Variants in PRKD1 observed in about 807,000 individuals in gnomAD.
PRKD1 encodes the protein protein kinase D1.
In PRKD1, 63 loss-of-function variants were observed where a neutral mutation model predicts 95.9. The ratio of observed to expected loss-of-function variants is 0.66; its 90% confidence interval spans 0.54 to 0.81. The LOEUF is 0.81. Among genes scored for constraint, PRKD1 ranks in the 30% least tolerant of loss-of-function variants. The pLI, the probability that PRKD1 is intolerant of heterozygous loss-of-function variation, is 0.00. For synonymous variants in PRKD1, 425 were observed against 423.1 expected, an observed-to-expected ratio of 1.00 and a Z score of -0.05; for missense variants, 1,048 against 1,165.3, an observed-to-expected ratio of 0.90 and a Z score of 1.47.
rs72677448 is a variant in PRKD1, at chr14:29,694,196, A to T, written c.404-27988T>A. Among the ~76,000 whole-genome samples, 413 of 152,314 alleles carry T rather than the reference A, an allele frequency of 2.7e-3. 1 individual carries two copies. The highest frequency in any genetic ancestry group is 5.1e-3 in the Non-Finnish European group (350 of 68,022). On this transcript the variant is annotated intron_variant, in intron 2 of 17. Transcript: ENST00000331968. ...AAAAATATGGTGCCCAGAACTGAAAATAATACAGGTTCCAACTATGCAGAA... is the reference window on the plus strand; with the variant it reads ...AAAAATATGGTGCCCAGAACTGAAATTAATACAGGTTCCAACTATGCAGAA...
At chr14:29,590,642 A>T (rs1442392702) in intron 16 of PRKD1, among the ~76,000 whole-genome samples, 1 of 152,170 alleles carries the variant, frequency 6.6e-6, no homozygotes, top group Non-Finnish European at 1.5e-5. Context: ...TTAATCAGCA[A>T]TATGTGGAGT....
intron 4 of PRKD1, among the ~76,000 whole-genome samples, chr14:29,648,145 T>A (rs1881250729): frequency 6.6e-6 from 1 of 152,230 alleles, no homozygotes; most frequent in East Asian, 1.9e-4. Flanking sequence ...CATTCTTTTT[T>A]AACTTTTACT....
chr14:29,625,484 C>A (rs146173345), intron 12 of PRKD1, among the ~76,000 whole-genome samples: 39 of 152,242 alleles, frequency 2.6e-4, no homozygotes, highest in African/African-American at 9.4e-4. Flanking sequence ...ATTTGTCACC[C>A]TTGTCTCACC....
intron 1 of PRKD1, among the ~76,000 whole-genome samples, chr14:29,793,082 T>C (rs1440725957): frequency 2.0e-5 from 3 of 152,004 alleles, no homozygotes; most frequent in Non-Finnish European, 4.4e-5. Flanking sequence ...GCTGCCAAAA[T>C]TGGAGAAAGT....
At chr14:29,680,026 G>T (rs951592234) in intron 2 of PRKD1, among the ~76,000 whole-genome samples, 4 of 152,180 alleles carry the variant, frequency 2.6e-5, no homozygotes, top group Non-Finnish European at 5.9e-5. Context: ...CAACATCATT[G>T]CAAAGGAAGG....
chr14:29,666,285 A>G, intron 2 of PRKD1, 77 bp from the exon 3 acceptor site: 1 of 1,448,982 alleles, frequency 6.9e-7, no homozygotes, highest in Non-Finnish European at 9.4e-7. Flanking sequence ...AAGATAATAA[A>G]TATGCCAGTA....
At chr14:29,628,195 T>C (rs10131853) in intron 11 of PRKD1, among the ~76,000 whole-genome samples, 45 of 152,366 alleles carry the variant, frequency 3.0e-4, no homozygotes, top group African/African-American at 1.0e-3. Flanking sequence ...CATATTTGGC[T>C]GTTTACTTTA....
intron 1 of PRKD1, among the ~76,000 whole-genome samples, chr14:29,892,263 C>T (rs1893963533): frequency 6.6e-6 from 1 of 152,122 alleles, no homozygotes; most frequent in South Asian, 2.1e-4. Flanking sequence ...CCTTGCTTGA[C>T]AAGCATGCAG....
intron 1 of PRKD1, among the ~76,000 whole-genome samples, chr14:29,877,081 G>C: frequency 6.6e-6 from 1 of 152,170 alleles, no homozygotes; most frequent in East Asian, 1.9e-4. Context: ...GAGCCCAGGA[G>C]GCAGAGGTTG....
chr14:29,846,609 A>T (rs543972737), intron 1 of PRKD1, among the ~76,000 whole-genome samples: 1 of 152,324 alleles, frequency 6.6e-6, no homozygotes, highest in South Asian at 2.1e-4. Context: ...GTTTCACTGA[A>T]AATGAGATGG....
chr14:29,808,047 A>G (rs1890312497), intron 1 of PRKD1, among the ~76,000 whole-genome samples: 1 of 152,060 alleles, frequency 6.6e-6, no homozygotes, highest in Admixed American at 6.6e-5. Context: ...TAAGACAACA[A>G]TGATGTTTGC....
chr14:29,647,937 G>T (rs989890348), intron 4 of PRKD1, among the ~76,000 whole-genome samples: 1 of 152,196 alleles, frequency 6.6e-6, no homozygotes, highest in African/African-American at 2.4e-5. Context: ...CAGAACAAAA[G>T]CAGTTAATCA....
intron 1 of PRKD1, among the ~76,000 whole-genome samples, chr14:29,835,234 T>A (rs1457824110): frequency 6.6e-6 from 1 of 152,204 alleles, no homozygotes; most frequent in African/African-American, 2.4e-5. Context: ...TTCATTGATT[T>A]TGCTTACCAT....
At chr14:29,631,500 C>CT (rs370333345) in intron 9 of PRKD1, among the ~76,000 whole-genome samples, 9,405 of 140,118 alleles carry the variant, frequency 0.067, 665 homozygotes, top group South Asian at 0.18. Context: ...TTAAAATGGT[C>CT]TTTTTTTTTT....
intron 1 of PRKD1, among the ~76,000 whole-genome samples, chr14:29,879,182 T>C (rs773303667): frequency 6.6e-6 from 1 of 152,204 alleles, no homozygotes; most frequent in Non-Finnish European, 1.5e-5. Context: ...GCTCACTGAC[T>C]TCTGCCTCAT....
At chr14:29,587,082 A>C (rs1892961874) in intron 16 of PRKD1, among the ~76,000 whole-genome samples, 1 of 152,154 alleles carries the variant, frequency 6.6e-6, no homozygotes, top group Admixed American at 6.6e-5. Flanking sequence ...GCTGGGGGAG[A>C]CGTGATGATG....
chr14:29,634,388 C>A, intron 8 of PRKD1, 30 bp downstream of exon 8: 1 of 1,613,640 alleles, frequency 6.2e-7, no homozygotes, highest in Non-Finnish European at 8.5e-7. Context: ...GCTAGCAAGG[C>A]AAGAGAACAT....
At chr14:29,897,725 A>G (rs926664077) in intron 1 of PRKD1, among the ~76,000 whole-genome samples, 2 of 152,186 alleles carry the variant, frequency 1.3e-5, no homozygotes, top group African/African-American at 4.8e-5. Context: ...AGGTGCATCT[A>G]TGAAAGACTG....
At chr14:29,621,159 A>G (rs1486847726) in intron 13 of PRKD1, among the ~76,000 whole-genome samples, 1 of 132,102 alleles carries the variant, frequency 7.6e-6, no homozygotes, top group African/African-American at 2.8e-5. Flanking sequence ...ACATGGACAC[A>G]GGAAGGGGAA....
Sources: gnomAD v4.1 joint callset for allele counts (sites outside exome capture counted in the v4.1 genomes callset) on GRCh38, gnomAD v4.1.1 for gene constraint, MANE v1.5 for transcripts, NCBI Gene and HGNC (gene_info 2026-07-23, HGNC 2026-07-21) for gene names.